The following KAZN variants were observed in gnomAD, a reference collection of about 807,000 sequenced individuals.
The protein encoded by KAZN is kazrin, periplakin interacting protein.
KAZN carries 40 observed loss-of-function variants against 87.4 expected under a neutral mutation model. The ratio of observed to expected loss-of-function variants is 0.46; its 90% CI spans 0.36 to 0.60. The LOEUF (loss-of-function observed/expected upper bound fraction) is 0.60, where lower values mean the gene tolerates loss of function less well. Among genes scored for constraint, KAZN ranks in the 20% least tolerant of loss-of-function variants. KAZN has a pLI of 0.00. For synonymous variants in KAZN, 466 were observed against 458.3 expected (o/e 1.02, Z -0.22); for missense variants, 898 against 1,073.9 (o/e 0.84, Z 2.29).
chr1:14,508,535 C>G (rs939486646), intron 2 of KAZN, among the ~76,000 whole-genome samples: 1 of 152,074 alleles, frequency 6.6e-6, no homozygotes, highest in Non-Finnish European at 1.5e-5. Flanking sequence ...CCCTACTAGA[C>G]GGATAATAGT....
intron 2 of KAZN, among the ~76,000 whole-genome samples, chr1:14,329,342 C>A (rs1311433024): frequency 6.6e-6 from 1 of 152,122 alleles, no homozygotes. Context: ...GTCAGCACCA[C>A]CTACACCACA....
intron 2 of KAZN, among the ~76,000 whole-genome samples, chr1:14,581,656 G>C (rs1675557139): frequency 6.6e-6 from 1 of 152,110 alleles, no homozygotes. Flanking sequence ...ACCTGATCGG[G>C]TCCTACTTCT....
chr1:14,927,491 G>GTGC (rs1659299174), intron 1 of KAZN, among the ~76,000 whole-genome samples: 2 of 152,308 alleles, frequency 1.3e-5, no homozygotes, highest in Admixed American at 1.3e-4. Flanking sequence ...ATGGGAGCAG[G>GTGC]TGCTGCTTAG....
chr1:14,390,446 G>T (rs371680260), intron 2 of KAZN, among the ~76,000 whole-genome samples: 43 of 152,208 alleles, frequency 2.8e-4, no homozygotes, highest in African/African-American at 9.9e-4. Context: ...TCACCAAGGG[G>T]TGCCACTGGA....
intron 2 of KAZN, among the ~76,000 whole-genome samples, chr1:14,185,326 G>T (rs549741458): frequency 3.9e-5 from 6 of 152,304 alleles, no homozygotes; most frequent in East Asian, 1.9e-4. Flanking sequence ...ATATCTTGAA[G>T]TCTACTCATC....
chr1:15,017,285 G>A (rs533976761), intron 2 of KAZN, among the ~76,000 whole-genome samples: 48 of 152,066 alleles, frequency 3.2e-4, no homozygotes, highest in Admixed American at 2.3e-3. Context: ...GCAACAGAGC[G>A]AGATTCAGTC....
chr1:14,224,822 A>T (rs12409948), intron 2 of KAZN, among the ~76,000 whole-genome samples: 1,940 of 152,332 alleles, frequency 0.013, 21 homozygotes, highest in Middle Eastern at 0.02. Flanking sequence ...ATTTTGTAAC[A>T]TCCGTTTGCT....
intron 2 of KAZN, among the ~76,000 whole-genome samples, chr1:14,552,022 A>G (rs531284716): frequency 2.0e-5 from 3 of 151,536 alleles, no homozygotes; most frequent in African/African-American, 7.3e-5. Flanking sequence ...TCTTAATGCT[A>G]TCAATATGTC....
chr1:14,452,105 A>G (rs1315072551), intron 2 of KAZN, among the ~76,000 whole-genome samples: 1 of 151,966 alleles, frequency 6.6e-6, no homozygotes, highest in Admixed American at 6.6e-5. Context: ...ATGCCTGGCT[A>G]ATTTTTGTAT....
At chr1:14,027,472 C>T (rs1189291297) in intron 1 of KAZN, among the ~76,000 whole-genome samples, 1 of 152,078 alleles carries the variant, frequency 6.6e-6, no homozygotes, top group African/African-American at 2.4e-5. Context: ...TGTTAAGTTG[C>T]ATGCCGGCTT....
rs534988022 is a variant in KAZN, at chr1:14,735,342, G to A, written c.226+136119G>A. Among the ~76,000 whole-genome samples, 23 of 152,304 alleles carry A rather than the reference G, an allele frequency of 1.5e-4. 1 individual carries two copies. Among genetic ancestry groups the A allele is most frequent in the African/African-American group, 5.3e-4 (22 of 41,568 alleles). ...CCCAAAGTGCTGGGATTACAGGCGT[G>A]AGCCACCGCGCCCGGCCCGTGCTGT... is the stretch of plus-strand genomic sequence containing the variant. On this transcript the variant is annotated intron_variant, in intron 1 of 14. Transcript: ENST00000376030. The surrounding 1 kb of genome is among the most constrained non-coding windows in gnomAD (Gnocchi z 4.3).
chr1:14,974,609 T>C (rs1665413883), intron 2 of KAZN, among the ~76,000 whole-genome samples: 1 of 152,112 alleles, frequency 6.6e-6, no homozygotes, highest in Admixed American at 6.5e-5. Context: ...AAACTGGTAA[T>C]ATTGTACAAT....
rs999648961 is a variant in KAZN at position 15,026,687 on chromosome 1, G to T, written c.419-8062G>T. Among the ~76,000 whole-genome samples, 16 of 149,772 alleles carry T rather than the reference G, an allele frequency of 1.1e-4. No individual in the cohort carries two copies. In the Admixed American group the frequency reaches 1.1e-3, roughly 10 times the overall value. On this transcript the variant is annotated intron_variant, in intron 2 of 14. Coordinates refer to ENST00000376030, the MANE Select transcript of KAZN (RefSeq NM_201628.3). ...CCTCTGGATCCATGGGTTCCACATC[G>T]ATGAATTCAACCAACCAAGGATCGA...
intron 1 of KAZN, among the ~76,000 whole-genome samples, chr1:13,911,861 C>T (rs1025426410): frequency 5.9e-5 from 9 of 151,772 alleles, no homozygotes; most frequent in African/African-American, 2.2e-4. Context: ...GGGTTTGGGC[C>T]CCCAGAAGTC....
At chr1:14,233,491 C>T (rs1648066746) in intron 2 of KAZN, among the ~76,000 whole-genome samples, 1 of 152,140 alleles carries the variant, frequency 6.6e-6, no homozygotes, top group Admixed American at 6.6e-5. Context: ...AATTATAAAG[C>T]ATATAGCAAA....
intron 2 of KAZN, among the ~76,000 whole-genome samples, chr1:14,963,273 T>C (rs1664096033): frequency 6.6e-6 from 1 of 152,194 alleles, no homozygotes; most frequent in Non-Finnish European, 1.5e-5. Context: ...ACCTACTGGG[T>C]GCCAACACTC....
At chr1:14,725,785 T>C (rs1214818492) in intron 1 of KAZN, among the ~76,000 whole-genome samples, 1 of 152,180 alleles carries the variant, frequency 6.6e-6, no homozygotes, top group Non-Finnish European at 1.5e-5. Context: ...CCTGGGGATC[T>C]TGTGAAATGC....
chr1:14,187,024 T>C (rs371019002), intron 2 of KAZN, among the ~76,000 whole-genome samples: 1 of 152,112 alleles, frequency 6.6e-6, no homozygotes, highest in Non-Finnish European at 1.5e-5. Context: ...TACAAAGTAC[T>C]TTTGCCAGCA....
chr1:14,303,720 T>C (rs552054550), intron 2 of KAZN, among the ~76,000 whole-genome samples: 1 of 152,346 alleles, frequency 6.6e-6, no homozygotes, highest in South Asian at 2.1e-4. Flanking sequence ...ATCCAAACTC[T>C]GTCCATCCTT....
Sources: gnomAD v4.1 joint callset for allele counts (sites outside exome capture counted in the v4.1 genomes callset) on GRCh38, gnomAD v4.1.1 for gene constraint, Gnocchi (gnomAD v3.1) non-coding constraint, MANE v1.5 for transcripts, NCBI Gene and HGNC (gene_info 2026-07-23, HGNC 2026-07-21) for gene names.